The following TMEM209 variants were observed in gnomAD, a reference collection of about 807,000 sequenced individuals.
The protein encoded by TMEM209 is transmembrane protein 209, also known as testicular tissue protein Li 202.
A neutral mutation model predicts 76.2 loss-of-function variants in TMEM209; 65 were observed. That is an observed-to-expected ratio of 0.85 (90% CI 0.70 to 1.05). The LOEUF (loss-of-function observed/expected upper bound fraction) is 1.05. TMEM209 is among the 50% of genes least tolerant of loss of function. The pLI, the probability that TMEM209 is intolerant of heterozygous loss-of-function variation, is 0.00. For synonymous variants in TMEM209, 239 were observed against 237.6 expected, an observed-to-expected ratio of 1.01 and a Z score of -0.06; for missense variants, 623 against 685.5, an observed-to-expected ratio of 0.91 and a Z score of 1.02.
At chr7:130,181,505 G>A in intron 9 of TMEM209, 118 bp downstream of exon 9, 1 of 746,800 alleles carries the variant, frequency 1.3e-6, no homozygotes, top group Non-Finnish European at 2.2e-6. Flanking sequence ...CTAGATTATA[G>A]ACATTTGGGG....
At chr7:130,193,004 T>C (rs1797851405) in intron 5 of TMEM209, among the ~76,000 whole-genome samples, 181 bp from the exon 6 acceptor site, 1 of 152,172 alleles carries the variant, frequency 6.6e-6, no homozygotes, top group South Asian at 2.1e-4. Context: ...GAATGCAAAA[T>C]GATACAGCCA....
At position 130,201,981 on chromosome 7, in the gene TMEM209, G is replaced by A; in HGVS notation, c.442C>T (p.Pro148Ser). 6.2e-7 allele frequency: 1 copy of A among 1,613,916 alleles called. No individual in the cohort carries two copies. The highest frequency in any genetic ancestry group is 8.5e-7 in the Non-Finnish European group (1 of 1,179,890). ...SVLSYSPSRS[P>S]STSPKFTTSC... ...GTGGTGAACTTGGGACTGGTACTGG[G>A]CGAACGAGAAGGGCTATAACTCAAC... The change falls in exon 5 of 15, where the codon CCC becomes TCC. Residue 148 changes from proline to serine, a missense_variant. Transcript: ENST00000397622.
intron 5 of TMEM209, among the ~76,000 whole-genome samples, chr7:130,196,950 G>A (rs1188688014): frequency 1.3e-5 from 2 of 152,176 alleles, no homozygotes; most frequent in Non-Finnish European, 2.9e-5. Flanking sequence ...TATGGGGCCA[G>A]GTGTGGTGGC....
chr7:130,165,757 T>C lies in TMEM209; in HGVS notation c.*694A>G, dbSNP rs1796863151. The C allele has an allele frequency of 6.6e-6, 1 of 150,548 alleles. No individual in the cohort carries two copies. The highest frequency in any genetic ancestry group is 2.1e-4 in the South Asian group (1 of 4,780). 9.3% of individuals were successfully genotyped at this position (150,548 alleles called of 1,614,324 possible). A position where few individuals can be genotyped will look rare whatever the true frequency, so the allele number is the denominator to read the frequency against. On this transcript the variant is annotated 3_prime_UTR_variant, in exon 15 of 15. Transcript: ENST00000397622. ...TTTCTTACTTTCTAAGTACTTACAC[T>C]GTTAAATAAAATAACTGAGGCTGGG...
intron 1 of TMEM209, chr7:130,205,043 T>C (rs1798391650): frequency 7.7e-7 from 1 of 1,291,608 alleles, no homozygotes; most frequent in Non-Finnish European, 9.9e-7. Context: ...TTGGGATTTA[T>C]AATTCCTCCT....
intron 6 of TMEM209, among the ~76,000 whole-genome samples, chr7:130,185,748 C>A (rs2117000457): frequency 6.6e-6 from 1 of 152,218 alleles, no homozygotes; most frequent in South Asian, 2.1e-4. Flanking sequence ...TCTAGAAGCT[C>A]TTTCTAAAAG....
In TMEM209 at chr7:130,178,546, G is replaced by A; in HGVS notation, c.1121-19C>T. ...CTAGCCTCTGTTAACATAAAACACA[G>A]AGAACACTGATTATTCTAAAAGTGA... On this transcript the variant is annotated intron_variant, in intron 9 of 14. Coordinates refer to ENST00000397622, the MANE Select transcript of TMEM209 (RefSeq NM_032842.4). 6.2e-7 allele frequency: 1 copy of A among 1,611,806 alleles called. No homozygotes were observed. Among genetic ancestry groups the A allele is most frequent in the Non-Finnish European group, 8.5e-7 (1 of 1,178,996 alleles).
At chr7:130,187,112 G>A (rs1797625505) in intron 6 of TMEM209, among the ~76,000 whole-genome samples, 1 of 151,798 alleles carries the variant, frequency 6.6e-6, no homozygotes, top group African/African-American at 2.4e-5. Flanking sequence ...GTATGGTGGT[G>A]CATGCCTGTA....
intron 5 of TMEM209, among the ~76,000 whole-genome samples, chr7:130,200,654 T>C (rs977886247): frequency 2.6e-5 from 4 of 152,222 alleles, no homozygotes; most frequent in African/African-American, 9.6e-5. Flanking sequence ...AAGGATCATA[T>C]AGTATCATCT....
chr7:130,201,730 G>A (rs1404707286), intron 5 of TMEM209, 120 bp downstream of exon 5: 22 of 1,230,724 alleles, frequency 1.8e-5, no homozygotes, highest in Admixed American at 5.3e-5. Context: ...TTTTTAAATG[G>A]GTGTTCTGGG....
intron 6 of TMEM209, among the ~76,000 whole-genome samples, chr7:130,186,283 T>C (rs974602124): frequency 3.3e-5 from 5 of 152,184 alleles, no homozygotes; most frequent in African/African-American, 4.8e-5. Context: ...TCATTTTCCT[T>C]ATGCTTACGG....
Position 130,173,840 on chromosome 7 carries a change from T to C in TMEM209, c.1444A>G (p.Thr482Ala), listed in dbSNP as rs1448986306. 6.2e-7 allele frequency: 1 copy of C among 1,613,730 alleles called. No homozygotes were observed. Among genetic ancestry groups the C allele is most frequent in the Admixed American group, 1.7e-5 (1 of 60,032 alleles). ...KTFTSQHFVQ[T>A]PNKPDVTNEN... ...AGGTTTATACCTGGTTTATTTGGTGTCTGAACAAAGTGCTGAGAAGTAAAA... is the reference window on the plus strand; with the variant it reads ...AGGTTTATACCTGGTTTATTTGGTGCCTGAACAAAGTGCTGAGAAGTAAAA... Residue 482 changes from threonine to alanine, a missense_variant, in exon 12 of 15, where the codon ACA (threonine) becomes GCA (alanine). Transcript: ENST00000397622.
rs1049248003 is a variant in TMEM209, at chr7:130,176,322, C to T, written c.1247-713G>A. ...ATTTTTAGCAGAGATGGGGTTTCAC[C>T]GTGTTAGCCAGGATGGTCTCGATCT... On this transcript the variant is annotated intron_variant, in intron 10 of 14. Transcript: ENST00000397622. Among the ~76,000 whole-genome samples, 9 of 151,676 alleles carry T rather than the reference C, an allele frequency of 5.9e-5. No individual in the cohort carries two copies. The South Asian group carries it at 1.0e-3, about 18-fold the overall frequency.
chr7:130,168,186 A>T (rs1373310405), intron 14 of TMEM209, among the ~76,000 whole-genome samples: 2 of 152,140 alleles, frequency 1.3e-5, no homozygotes, highest in Non-Finnish European at 1.5e-5. Flanking sequence ...ATCAATTTGG[A>T]TCCACAGAGG....
chr7:130,174,493 A>G (rs1270277563), intron 11 of TMEM209, among the ~76,000 whole-genome samples: 1 of 152,214 alleles, frequency 6.6e-6, no homozygotes, highest in Non-Finnish European at 1.5e-5. Context: ...AAAGCAGGGC[A>G]TTCTTAGTTT....
intron 6 of TMEM209, among the ~76,000 whole-genome samples, chr7:130,188,495 C>G (rs1199416692): frequency 2.0e-5 from 3 of 148,212 alleles, no homozygotes; most frequent in Non-Finnish European, 4.4e-5. Flanking sequence ...ACTCGGGAGG[C>G]TGAAGCAGGA....
intron 5 of TMEM209, 165 bp downstream of exon 5, chr7:130,201,685 G>C: frequency 4.8e-6 from 4 of 837,060 alleles, no homozygotes; most frequent in Non-Finnish European, 7.2e-6. Context: ...TTCATTTTAA[G>C]ATGTTGTGTT....
chr7:130,191,162 A>G (rs1797783025), intron 6 of TMEM209, among the ~76,000 whole-genome samples: 1 of 152,132 alleles, frequency 6.6e-6, no homozygotes, highest in African/African-American at 2.4e-5. Context: ...GATACTAACC[A>G]AAAGGAAATT....
intron 6 of TMEM209, among the ~76,000 whole-genome samples, chr7:130,188,414 G>A (rs1797677275): frequency 6.6e-6 from 1 of 151,862 alleles, no homozygotes; most frequent in Non-Finnish European, 1.5e-5. Flanking sequence ...GGCTAACATG[G>A]TGAAACCCCG....
Sources: gnomAD v4.1 joint callset for allele counts (sites outside exome capture counted in the v4.1 genomes callset) on GRCh38, gnomAD v4.1.1 for gene constraint, MANE v1.5 for transcripts, NCBI Gene and HGNC (gene_info 2026-07-23, HGNC 2026-07-21) for gene names.